Variants in DDHD1 observed in about 807,000 individuals in gnomAD.
DDHD1 encodes the protein DDHD domain containing 1, also known as phospholipase DDHD1.
Under a neutral mutation model 96.4 loss-of-function variants are expected in DDHD1, and 49 were observed. That is an observed-to-expected ratio of 0.51 (90% CI 0.40 to 0.64). The LOEUF (loss-of-function observed/expected upper bound fraction) is 0.64. Among genes scored for constraint, DDHD1 ranks in the 30% least tolerant of loss-of-function variants. DDHD1 has a pLI of 0.00. For missense variants in DDHD1, 1,106 were observed against 1,161.2 expected (o/e 0.95, Z 0.69); for synonymous variants, 442 against 446.5 (o/e 0.99, Z 0.13).
intron 1 of DDHD1, among the ~76,000 whole-genome samples, chr14:53,137,290 A>G (rs1890306346): frequency 6.6e-6 from 1 of 152,200 alleles, no homozygotes; most frequent in East Asian, 1.9e-4. Context: ...ATACAAAGAA[A>G]AAAAGAAAAT....
rs1268074461 is a variant in DDHD1, at chr14:53,045,698, C to T, written c.*1070G>A. On this transcript the variant is annotated 3_prime_UTR_variant, in exon 13 of 13. Coordinates refer to ENST00000673822, the MANE Select transcript of DDHD1 (RefSeq NM_001160148.2). ...CTTTGAGCCCCTCAGATGAAAAGCA[C>T]TGTGGAAACAATTACAGCTGAAGAA... The T allele has an allele frequency of 6.6e-6, 1 of 152,172 alleles. No homozygotes were observed. Among genetic ancestry groups the T allele is most frequent in the Non-Finnish European group, 1.5e-5 (1 of 68,020 alleles). The allele number at this position is 152,172 out of a possible 1,614,324, so 9.4% of individuals were successfully genotyped here.
chr14:53,117,725 G>C (rs1008925777), intron 1 of DDHD1, among the ~76,000 whole-genome samples: 2 of 152,208 alleles, frequency 1.3e-5, no homozygotes, highest in Non-Finnish European at 2.9e-5. Flanking sequence ...CTGGGGGCAG[G>C]GCACAGCTGA....
chr14:53,067,162 T>C lies in DDHD1; in HGVS notation c.1504-3957A>G, dbSNP rs563006635. On this transcript the variant is annotated intron_variant, in intron 6 of 12. Transcript: ENST00000673822. ...CCGGGAAACTATTCCTTTTCTTTTT[T>C]TTTTTTTTTTAAATGAGATGGGCTC... Among the ~76,000 whole-genome samples, 13 of 151,626 alleles carry C rather than the reference T, an allele frequency of 8.6e-5. No individual in the cohort carries two copies. In the East Asian group the frequency reaches 9.7e-4, roughly 11 times the overall value.
chr14:53,094,271 T>C (rs1025317338), intron 2 of DDHD1, among the ~76,000 whole-genome samples: 1 of 152,136 alleles, frequency 6.6e-6, no homozygotes, highest in African/African-American at 2.4e-5. Flanking sequence ...AAATAATCTA[T>C]TAGAAAATGA....
At chr14:53,142,075 T>C (rs935874628) in intron 1 of DDHD1, among the ~76,000 whole-genome samples, 6 of 152,214 alleles carry the variant, frequency 3.9e-5, no homozygotes, top group Non-Finnish European at 7.3e-5. Flanking sequence ...AATCACCTGA[T>C]GATAACTCTT....
At chr14:53,116,257 A>C (rs1888535382) in intron 1 of DDHD1, among the ~76,000 whole-genome samples, 2 of 152,064 alleles carry the variant, frequency 1.3e-5, no homozygotes, top group South Asian at 4.1e-4. Context: ...GAGACTTAAG[A>C]CTCCCACACA....
chr14:53,104,207 T>C (rs1017515594), intron 1 of DDHD1, among the ~76,000 whole-genome samples: 2 of 152,144 alleles, frequency 1.3e-5, no homozygotes, highest in Non-Finnish European at 2.9e-5. Flanking sequence ...CCTCCCAAAG[T>C]GCTAGGATTA....
chr14:53,132,569 C>A (rs1889951238), intron 1 of DDHD1, among the ~76,000 whole-genome samples: 1 of 152,168 alleles, frequency 6.6e-6, no homozygotes, highest in African/African-American at 2.4e-5. Context: ...TAACTCAGGC[C>A]CTCACTCTTG....
At chr14:53,092,405 CTT>C (rs903651977) in intron 3 of DDHD1, 2 of 152,022 alleles carry the variant, frequency 1.3e-5, no homozygotes, top group African/African-American at 4.8e-5. Flanking sequence ...TCAAAGCACA[CTT>C]ATTGATGAAA....
chr14:53,147,700 G>A (rs941364500), intron 1 of DDHD1, among the ~76,000 whole-genome samples: 1 of 152,278 alleles, frequency 6.6e-6, no homozygotes, highest in Admixed American at 6.5e-5. Flanking sequence ...ACTGTAAACC[G>A]AGCAGTCAGG....
At chr14:53,124,266 G>A (rs1369279960) in intron 1 of DDHD1, among the ~76,000 whole-genome samples, 7 of 145,308 alleles carry the variant, frequency 4.8e-5, no homozygotes, top group Non-Finnish European at 5.9e-5. Context: ...TATATATATG[G>A]TTAAAAATCA....
At chr14:53,141,680 A>G (rs1324705056) in intron 1 of DDHD1, among the ~76,000 whole-genome samples, 3 of 152,228 alleles carry the variant, frequency 2.0e-5, no homozygotes, top group Non-Finnish European at 4.4e-5. Context: ...CATCTTAGCT[A>G]GAAAGTTCTA....
chr14:53,145,971 C>T (rs1890951094), intron 1 of DDHD1, among the ~76,000 whole-genome samples: 1 of 152,148 alleles, frequency 6.6e-6, no homozygotes, highest in Non-Finnish European at 1.5e-5. Context: ...CTTTGGGAGG[C>T]CGAGGCAGGC....
chr14:53,153,076 GACCC>G lies in DDHD1; in HGVS notation c.19_22del (p.Gly7ProfsTer152), dbSNP rs1186466815. ...GCCGTTATGCTCGGGGCTCCGTGGG[GACCC>G]GCGGCCCGGGTAATTCATGCTGTGG... On this transcript the variant is annotated frameshift_variant, in exon 1 of 13. Coordinates refer to ENST00000673822, the MANE Select transcript of DDHD1 (RefSeq NM_001160148.2). LOFTEE classifies it high-confidence loss of function. 4.1e-6 allele frequency: 6 copies of G among 1,452,626 alleles called. No individual in the cohort carries two copies. The allele number at this position is 1,452,626 out of a possible 1,614,324, so 90.0% of individuals were successfully genotyped here.
chr14:53,141,690 A>G (rs895502004), intron 1 of DDHD1, among the ~76,000 whole-genome samples: 1 of 152,222 alleles, frequency 6.6e-6, no homozygotes, highest in African/African-American at 2.4e-5. Flanking sequence ...AGAAAGTTCT[A>G]CATTTTCTTC....
chr14:53,066,924 A>G (rs1210055430), intron 6 of DDHD1, among the ~76,000 whole-genome samples: 2 of 147,570 alleles, frequency 1.4e-5, no homozygotes. Flanking sequence ...CTGAGATCGT[A>G]CCACTGCACT....
rs561650701 is a variant in DDHD1 at position 53,104,500 on chromosome 14, G to A, written c.839-644C>T. On this transcript the variant is annotated intron_variant, in intron 1 of 12. Coordinates refer to ENST00000673822, the MANE Select transcript of DDHD1 (RefSeq NM_001160148.2). Reference sequence around the variant, plus strand: ...AATATAAAATCCAGACTAGTGTTTAGAAATAGTGTGTGTGGTAGTAGTGTG... The same window carrying A: ...AATATAAAATCCAGACTAGTGTTTAAAAATAGTGTGTGTGGTAGTAGTGTG... 9.9e-5 allele frequency among the ~76,000 whole-genome samples: 15 copies of A among 152,238 alleles called. No individual in the cohort carries two copies. The South Asian group carries it at 1.2e-3, about 13-fold the overall frequency.
At chr14:53,139,462 G>C (rs1374801938) in intron 1 of DDHD1, among the ~76,000 whole-genome samples, 1 of 152,174 alleles carries the variant, frequency 6.6e-6, no homozygotes, top group African/African-American at 2.4e-5. Flanking sequence ...GCAAGGCAAT[G>C]CTATGGGAAT....
At position 53,151,160 on chromosome 14, in the gene DDHD1, C is replaced by T. The variant is rs571727463; in HGVS notation, c.838+1101G>A. On this transcript the variant is annotated intron_variant, in intron 1 of 12. Coordinates refer to ENST00000673822, the MANE Select transcript of DDHD1 (RefSeq NM_001160148.2). The stretch of plus-strand genomic sequence containing the variant: ...TATCAGAGTACAAAGATAAAGGTGA[C>T]GGGCTCTGCCGATGGTAAGGTCCTA... Among the ~76,000 whole-genome samples, 22 of 152,202 alleles carry T rather than the reference C, an allele frequency of 1.4e-4. No homozygotes were observed. The South Asian group carries it at 2.7e-3, about 19-fold the overall frequency.
Sources: gnomAD v4.1 joint callset for allele counts (sites outside exome capture counted in the v4.1 genomes callset) on GRCh38, gnomAD v4.1.1 for gene constraint, MANE v1.5 for transcripts, NCBI Gene and HGNC (gene_info 2026-07-23, HGNC 2026-07-21) for gene names.